The following ATMIN variants were observed in gnomAD, a reference collection of about 807,000 sequenced individuals.
The protein encoded by ATMIN is ATM interactor.
A neutral mutation model predicts 49.2 loss-of-function variants in ATMIN; 24 were observed. That is an observed-to-expected ratio of 0.49 (90% CI 0.35 to 0.69). The LOEUF is 0.69. ATMIN is among the 30% of genes least tolerant of loss of function. ATMIN has a pLI of 0.00. For synonymous variants in ATMIN, 450 were observed against 392.5 expected (o/e 1.15, Z -1.73); for missense variants, 1,037 against 1,005.5 (o/e 1.03, Z -0.42).
Position 81,046,760 on chromosome 16 carries a change from C to T in ATMIN, c.*1790C>T, listed in dbSNP as rs982939204. The T allele has an allele frequency of 2.6e-5, 4 of 152,318 alleles. No homozygotes were observed. Among genetic ancestry groups the T allele is most frequent in the African/African-American group, 9.7e-5 (4 of 41,336 alleles). 9.4% of individuals were successfully genotyped at this position (152,318 alleles called of 1,614,324 possible). Reference sequence around the variant, plus strand: ...AAATCCTCAAAACCTAGTAAGGGGACTAATGATTCATTAAAGTAAATTGAT... The same window carrying T: ...AAATCCTCAAAACCTAGTAAGGGGATTAATGATTCATTAAAGTAAATTGAT... On this transcript the variant is annotated 3_prime_UTR_variant, in exon 4 of 4. Coordinates refer to ENST00000299575, the MANE Select transcript of ATMIN (RefSeq NM_015251.3).
At chr16:81,038,837 C>A (rs1407679288) in intron 1 of ATMIN, among the ~76,000 whole-genome samples, 1 of 152,134 alleles carries the variant, frequency 6.6e-6, no homozygotes, top group Non-Finnish European at 1.5e-5. Flanking sequence ...ACTCTGTCGC[C>A]CAGACTGGAG....
intron 1 of ATMIN, 130 bp downstream of exon 1, chr16:81,036,336 C>T (rs909964212): frequency 1.0e-5 from 9 of 897,400 alleles, no homozygotes; most frequent in Admixed American, 1.1e-4. Flanking sequence ...CCCCACCGGC[C>T]TCTGCCCTCC....
In ATMIN at chr16:81,044,272, A is replaced by G. The variant is rs781499546; in HGVS notation, c.1774A>G (p.Ser592Gly). The G allele has an allele frequency of 6.2e-7, 1 of 1,614,122 alleles. No individual in the cohort carries two copies. Among genetic ancestry groups the G allele is most frequent in the South Asian group, 1.1e-5 (1 of 91,078 alleles). Reference sequence around the variant, plus strand: ...TCAGACCCAAACCATAGATTTATTAAGTGATTTGGAAAACATCTTGTCAAG... The same window carrying G: ...TCAGACCCAAACCATAGATTTATTAGGTGATTTGGAAAACATCTTGTCAAG... Reference protein sequence around the residue: ...DNQTQTIDLLSDLENILSSNL... With the variant: ...DNQTQTIDLLGDLENILSSNL... The change falls in exon 4 of 4, where the codon AGT becomes GGT. Residue 592 changes from serine to glycine, a missense_variant. Coordinates refer to ENST00000299575, the MANE Select transcript of ATMIN (RefSeq NM_015251.3).
In ATMIN at chr16:81,044,544, T is replaced by G. The variant is rs1381854019; in HGVS notation, c.2046T>G (p.Ser682=). ...TQTDFLLADT[S]AQSYGCRGNS... ...CGGACTTCTTACTCGCAGATACCTC[T>G]GCTCAGTCCTATGGGTGTAGGGGAA... The change falls in exon 4 of 4, where the codon TCT becomes TCG. Residue 682 remains serine, a synonymous_variant. Transcript: ENST00000299575. 4.5e-5 allele frequency: 73 copies of G among 1,614,060 alleles called. No homozygotes were observed. The highest frequency in any genetic ancestry group is 6.2e-5 in the Non-Finnish European group (73 of 1,180,040).
chr16:81,047,261 G>A lies in ATMIN; in HGVS notation c.*2291G>A, dbSNP rs1035683532. On this transcript the variant is annotated 3_prime_UTR_variant, in exon 4 of 4. Transcript: ENST00000299575. ...TACCCTTTTTTGTGAATTCTTGAAC[G>A]TACTCATAAATATGACTTATTGTAT... 6.6e-6 allele frequency: 1 copy of A among 152,230 alleles called. No individual in the cohort carries two copies. Among genetic ancestry groups the A allele is most frequent in the South Asian group, 2.1e-4 (1 of 4,826 alleles). The allele number at this position is 152,230 out of a possible 1,614,324, so 9.4% of individuals were successfully genotyped here.
At position 81,044,004 on chromosome 16, in the gene ATMIN, G is replaced by T. The variant is rs777215782; in HGVS notation, c.1506G>T (p.Thr502=). The T allele has an allele frequency of 6.2e-7, 1 of 1,614,166 alleles. No individual in the cohort carries two copies. The highest frequency in any genetic ancestry group is 1.7e-5 in the Admixed American group (1 of 60,026). Residue 502 remains threonine (T), a synonymous_variant, in exon 4 of 4, where the codon ACG becomes ACT. Coordinates refer to ENST00000299575, the MANE Select transcript of ATMIN (RefSeq NM_015251.3). The part of the protein sequence containing the change: ...ETQTSGIESP[T]DDHVQMDQAG... Reference sequence around the variant, plus strand: ...AAACCAGTGGGATAGAAAGTCCAACGGATGACCATGTACAGATGGACCAAG... The same window carrying T: ...AAACCAGTGGGATAGAAAGTCCAACTGATGACCATGTACAGATGGACCAAG...
Position 81,037,085 on chromosome 16 carries a change from C to G in ATMIN, c.336+879C>G, listed in dbSNP as rs369187750. On this transcript the variant is annotated intron_variant, in intron 1 of 3. Transcript: ENST00000299575. ...AGTCATTTTCAACCTTGGGACACAT[C>G]TGTGACAAGCTTATTAAAAATCCAG... 175 of 729,218 alleles carry G rather than the reference C, an allele frequency of 2.4e-4. No homozygotes were observed. In the African/African-American group the frequency reaches 3.2e-3, roughly 13 times the overall value. 45.2% of individuals were successfully genotyped at this position (729,218 alleles called of 1,614,324 possible). A position where few individuals can be genotyped will look rare whatever the true frequency, so the allele number is the denominator to read the frequency against.
intron 1 of ATMIN, among the ~76,000 whole-genome samples, chr16:81,036,792 A>G (rs1970944456): frequency 3.9e-5 from 6 of 152,188 alleles, no homozygotes; most frequent in Admixed American, 3.9e-4. Flanking sequence ...TGACTTGATC[A>G]CTATGCAATG....
rs1597126290 is a variant in ATMIN at position 81,043,056 on chromosome 16, C to T, written c.663-105C>T. ...TTATCTTGTCTGGGTTGAACATGAC[C>T]TCTGCTATAGATGGGGGAAATGGCA... On this transcript the variant is annotated intron_variant, in intron 3 of 3. Transcript: ENST00000299575. The T allele has an allele frequency of 8.1e-6, 11 of 1,362,282 alleles. No individual in the cohort carries two copies. In the East Asian group the frequency reaches 2.4e-4, roughly 30 times the overall value. The allele number at this position is 1,362,282 out of a possible 1,614,324, so 84.4% of individuals were successfully genotyped here. A position where few individuals can be genotyped will look rare whatever the true frequency, so the allele number is the denominator to read the frequency against.
chr16:81,038,835 G>A (rs3759931), intron 1 of ATMIN, among the ~76,000 whole-genome samples: 2,187 of 152,160 alleles, frequency 0.014, 32 homozygotes, highest in East Asian at 0.056. Context: ...TCACTCTGTC[G>A]CCCAGACTGG....
At position 81,036,023 on chromosome 16, in the gene ATMIN, C is replaced by T. The variant is rs1445659338; in HGVS notation, c.153C>T (p.Pro51=). Residue 51 remains proline, a synonymous_variant, in exon 1 of 4, where the codon CCC becomes CCT. Coordinates refer to ENST00000299575, the MANE Select transcript of ATMIN (RefSeq NM_015251.3). The part of the protein sequence containing the change: ...GPRLRGSRPR[P]AGATQQPAVP... ...GACTGAGGGGCAGCCGGCCGCGGCC[C>T]GCGGGGGCGACGCAGCAGCCCGCTG... 1.7e-5 allele frequency: 20 copies of T among 1,161,964 alleles called. No individual in the cohort carries two copies. The highest frequency in any genetic ancestry group is 3.9e-5 in the East Asian group (1 of 25,912). The allele number at this position is 1,161,964 out of a possible 1,614,324, so 72.0% of individuals were successfully genotyped here.
Position 81,042,407 on chromosome 16 carries a change from T to C in ATMIN, c.589T>C (p.Cys197Arg), listed in dbSNP as rs997128022. 1.6e-5 allele frequency: 26 copies of C among 1,614,074 alleles called. No individual in the cohort carries two copies. Among genetic ancestry groups the C allele is most frequent in the Non-Finnish European group, 2.2e-5 (26 of 1,180,034 alleles). Residue 197 changes from cysteine (C) to arginine (R), a missense_variant, in exon 3 of 4, where the codon TGT becomes CGT. Cys to Arg is a radical substitution (Grantham distance 180). Transcript: ENST00000299575. ...CGKTFRCTCG[C>R]PYASRTALQS... ...CAAGACCTTCCGGTGCACATGCGGC[T>C]GTCCCTACGCCAGTAGAACAGCACT... is the stretch of plus-strand genomic sequence containing the variant.
In ATMIN at chr16:81,044,171, A is replaced by G. The variant is rs771092584; in HGVS notation, c.1673A>G (p.Asp558Gly). The change falls in exon 4 of 4, where the codon GAT (aspartate) becomes GGT (glycine). Residue 558 changes from aspartate (D) to glycine (G), a missense_variant. Asp to Gly is a moderately conservative substitution (Grantham distance 94). Coordinates refer to ENST00000299575, the MANE Select transcript of ATMIN (RefSeq NM_015251.3). ...PQNEPKTLNQ[D>G]IEKSAPIINF... is the part of the protein sequence containing the mutation. ...AATGAGCCTAAGACTTTAAATCAAG[A>G]TATTGAGAAATCTGCACCAATTATA... 1.9e-6 allele frequency: 3 copies of G among 1,614,190 alleles called. No individual in the cohort carries two copies. Among genetic ancestry groups the G allele is most frequent in the Non-Finnish European group, 1.7e-6 (2 of 1,180,002 alleles).
chr16:81,044,359 G>C lies in ATMIN; in HGVS notation c.1861G>C (p.Asp621His). 1 of 1,614,076 alleles carries C rather than the reference G, an allele frequency of 6.2e-7. No homozygotes were observed. Among genetic ancestry groups the C allele is most frequent in the Non-Finnish European group, 8.5e-7 (1 of 1,180,010 alleles). Residue 621 changes from aspartate to histidine, a missense_variant, in exon 4 of 4, where the codon GAC (aspartate) becomes CAC (histidine). Coordinates refer to ENST00000299575, the MANE Select transcript of ATMIN (RefSeq NM_015251.3). ...SLLSDTNPGP[D>H]TQLPSGPAQN... ...TTTGTCTGACACAAATCCTGGACCT[G>C]ACACCCAGCTCCCATCTGGCCCAGC...
Position 81,041,498 on chromosome 16 carries a change from G to C in ATMIN, c.462+17G>C. The C allele has an allele frequency of 1.3e-6, 2 of 1,592,644 alleles. No homozygotes were observed. The highest frequency in any genetic ancestry group is 1.7e-6 in the Non-Finnish European group (2 of 1,174,558). Reference sequence around the variant, plus strand: ...GTAAAACAGGTACTCTCTACTCTGAGGATGAGATACAGATGCTAAAAACCT... The same window carrying C: ...GTAAAACAGGTACTCTCTACTCTGACGATGAGATACAGATGCTAAAAACCT... On this transcript the variant is annotated intron_variant, in intron 2 of 3. Transcript: ENST00000299575.
chr16:81,041,591 A>ACACGCAGGCATCTCCCC, intron 2 of ATMIN, 110 bp downstream of exon 2: 1 of 1,383,126 alleles, frequency 7.2e-7, no homozygotes, highest in Non-Finnish European at 9.8e-7. Context: ...GTGAGGGGAG[A>ACACGCAGGCATCTCCCC]TGCCTGCGTG....
Position 81,041,469 on chromosome 16 carries a change from T to G in ATMIN, c.450T>G (p.Ser150=). ...RGPERPFSQF[S]LVKQHFMKMH... ...CTGAGAGACCGTTTTCTCAGTTTTCTCTCGTAAAACAGGTACTCTCTACTC... is the reference window on the plus strand; with the variant it reads ...CTGAGAGACCGTTTTCTCAGTTTTCGCTCGTAAAACAGGTACTCTCTACTC... The change falls in exon 2 of 4, where the codon TCT becomes TCG. Residue 150 remains serine (S), a synonymous_variant. Transcript: ENST00000299575. The G allele has an allele frequency of 6.2e-7, 1 of 1,608,518 alleles. No individual in the cohort carries two copies. The highest frequency in any genetic ancestry group is 8.5e-7 in the Non-Finnish European group (1 of 1,178,768).
rs1971100613 is a variant in ATMIN at position 81,045,352 on chromosome 16, C to G, written c.*382C>G. ...AACATTTTAGTCAAAGTGTAATATA[C>G]TTAAACTGCACCTAAAATATCTTTG... On this transcript the variant is annotated 3_prime_UTR_variant, in exon 4 of 4. Transcript: ENST00000299575. 1.1e-5 allele frequency: 2 copies of G among 176,968 alleles called. No homozygotes were observed. Among genetic ancestry groups the G allele is most frequent in the Non-Finnish European group, 1.2e-5 (1 of 83,910 alleles). 11.0% of individuals were successfully genotyped at this position (176,968 alleles called of 1,614,324 possible).
intron 1 of ATMIN, among the ~76,000 whole-genome samples, chr16:81,040,079 T>C (rs1971013578): frequency 6.6e-6 from 1 of 152,242 alleles, no homozygotes; most frequent in Admixed American, 6.5e-5. Flanking sequence ...GTATATTTTC[T>C]TTCTGTCTTG....
Sources: gnomAD v4.1 joint callset for allele counts (sites outside exome capture counted in the v4.1 genomes callset) on GRCh38, gnomAD v4.1.1 for gene constraint, MANE v1.5 for transcripts, NCBI Gene and HGNC (gene_info 2026-07-23, HGNC 2026-07-21) for gene names.